The following PPP2R1A variants were observed in gnomAD, a reference collection of about 807,000 sequenced individuals.
PPP2R1A encodes protein phosphatase 2 scaffold subunit Aalpha, also known as serine/threonine-protein phosphatase 2A 65 kDa regulatory subunit A alpha isoform.
In PPP2R1A, 15 loss-of-function variants were observed where a neutral mutation model predicts 67.1. The ratio of observed to expected loss-of-function variants is 0.22; its 90% CI spans 0.15 to 0.34. The LOEUF (loss-of-function observed/expected upper bound fraction) is 0.34, where lower values mean the gene tolerates loss of function less well. Ranked by LOEUF, PPP2R1A falls within the 10% of genes least tolerant of loss-of-function variation. The pLI is 1.00. For missense variants in PPP2R1A, 369 were observed against 775.0 expected, an observed-to-expected ratio of 0.48 and a Z score of 6.22; for synonymous variants, 337 against 325.0, an observed-to-expected ratio of 1.04 and a Z score of -0.40.
At chr19:52,201,087 G>A (rs568768160) in intron 1 of PPP2R1A, 6 of 150,626 alleles carry the variant, frequency 4.0e-5, no homozygotes, top group South Asian at 2.1e-4. Context: ...ACTTAACTAC[G>A]TCTGCAAAGA....
intron 3 of PPP2R1A, among the ~76,000 whole-genome samples, chr19:52,207,076 C>T (rs1318063609): frequency 6.6e-6 from 1 of 152,114 alleles, no homozygotes; most frequent in African/African-American, 2.4e-5. Context: ...TTGATAGTTA[C>T]CATTAAATTC....
At chr19:52,196,332 A>G (rs1285304139) in intron 1 of PPP2R1A, among the ~76,000 whole-genome samples, 1 of 152,206 alleles carries the variant, frequency 6.6e-6, no homozygotes, top group Non-Finnish European at 1.5e-5. Flanking sequence ...TTTCTCATAT[A>G]GCAAGTTCAG....
intron 14 of PPP2R1A, 52 bp downstream of exon 14, chr19:52,225,860 G>A (rs1979225593): frequency 1.2e-6 from 2 of 1,612,096 alleles, no homozygotes; most frequent in Admixed American, 1.7e-5. Flanking sequence ...TTTGAGGACA[G>A]GCACTGGGCC....
chr19:52,205,910 G>T, intron 2 of PPP2R1A, 53 bp from the exon 3 acceptor site: 1 of 1,464,216 alleles, frequency 6.8e-7, no homozygotes, highest in Non-Finnish European at 9.5e-7. Context: ...CTGAGCTTGG[G>T]CTGGGGTCAG....
chr19:52,221,993 C>A, intron 12 of PPP2R1A, 106 bp from the exon 13 acceptor site: 1 of 1,214,972 alleles, frequency 8.2e-7, no homozygotes, highest in South Asian at 1.5e-5. Context: ...ATTGCTCAGC[C>A]TCTGTGGGGC....
chr19:52,224,664 C>A lies in PPP2R1A; in HGVS notation c.1662-1053C>A, dbSNP rs112998055. 6.1e-3 allele frequency among the ~76,000 whole-genome samples: 931 copies of A among 152,212 alleles called. 9 individuals are homozygous for A. The highest frequency in any genetic ancestry group is 0.021 in the African/African-American group (871 of 41,528). Reference sequence around the variant, plus strand: ...AGTCCTTGTTTATCATACTTCTGACCTTTAAGTAATTGGTTGGTTGGTTGG... The same window carrying A: ...AGTCCTTGTTTATCATACTTCTGACATTTAAGTAATTGGTTGGTTGGTTGG... On this transcript the variant is annotated intron_variant, in intron 13 of 14. Coordinates refer to ENST00000322088, the MANE Select transcript of PPP2R1A (RefSeq NM_014225.6).
At chr19:52,205,829 G>A (rs899836102) in intron 2 of PPP2R1A, 134 bp from the exon 3 acceptor site, 24 of 731,180 alleles carry the variant, frequency 3.3e-5, no homozygotes, top group South Asian at 6.4e-5. Context: ...GGTGGAGAGT[G>A]GGGGAGCAAG....
chr19:52,212,997 G>A lies in PPP2R1A; in HGVS notation c.694G>A (p.Ala232Thr), dbSNP rs769334090. ...GGCGGTGGAGGCGTGCGTGAACATC[G>A]CCCAGCTTCTGCCCCAGGAGGATCT... Reference protein sequence around the residue: ...LLAVEACVNIAQLLPQEDLEA... With the variant: ...LLAVEACVNITQLLPQEDLEA... Residue 232 changes from alanine to threonine, a missense_variant, in exon 6 of 15, where the codon GCC (alanine) becomes ACC (threonine). Coordinates refer to ENST00000322088, the MANE Select transcript of PPP2R1A (RefSeq NM_014225.6). This position sits in a 1 kb window ranked among gnomAD's most constrained non-coding sequence, Gnocchi z 4.1. 9.9e-6 allele frequency: 16 copies of A among 1,610,576 alleles called. No homozygotes were observed. Among genetic ancestry groups the A allele is most frequent in the Admixed American group, 1.7e-5 (1 of 59,670 alleles).
At chr19:52,224,350 A>T (rs975961009) in intron 13 of PPP2R1A, among the ~76,000 whole-genome samples, 1 of 152,194 alleles carries the variant, frequency 6.6e-6, no homozygotes, top group Non-Finnish European at 1.5e-5. Flanking sequence ...GGCCCCATAG[A>T]TGAGAGTGGA....
At chr19:52,220,851 T>A in intron 11 of PPP2R1A, 128 bp from the exon 12 acceptor site, 1 of 1,120,530 alleles carries the variant, frequency 8.9e-7, no homozygotes. Context: ...CTTTTTTCTC[T>A]CTTTGGCTCA....
intron 1 of PPP2R1A, 146 bp downstream of exon 1, chr19:52,190,320 C>G (rs1306770328): frequency 2.0e-6 from 2 of 988,784 alleles, no homozygotes; most frequent in African/African-American, 3.3e-5. Flanking sequence ...CCCCGGTTGC[C>G]CGGACTCCTT....
At chr19:52,191,673 C>T (rs940168937) in intron 1 of PPP2R1A, among the ~76,000 whole-genome samples, 1 of 152,162 alleles carries the variant, frequency 6.6e-6, no homozygotes, top group Non-Finnish European at 1.5e-5. Flanking sequence ...GTTTCCTCTT[C>T]TCTTTAATGG....
At chr19:52,199,327 C>T (rs775568192) in intron 1 of PPP2R1A, among the ~76,000 whole-genome samples, 4 of 152,020 alleles carry the variant, frequency 2.6e-5, no homozygotes, top group East Asian at 3.9e-4. Flanking sequence ...CCACCACGCC[C>T]GGCTAATTTC....
chr19:52,190,436 G>A, intron 1 of PPP2R1A: 1 of 560,724 alleles, frequency 1.8e-6, no homozygotes, highest in African/African-American at 1.9e-5. Flanking sequence ...GCGGTCCTGG[G>A]AGGTTGTGGC....
chr19:52,211,907 T>G lies in PPP2R1A; in HGVS notation c.503+415T>G, dbSNP rs1015791170. 2.0e-5 allele frequency among the ~76,000 whole-genome samples: 3 copies of G among 152,228 alleles called. No homozygotes were observed. The highest frequency in any genetic ancestry group is 7.2e-5 in the African/African-American group (3 of 41,458). ...AGTTTTCAGCCTCCTGCTCGTCTAC[T>G]TTGCAAACGATTGACCGTCAAGCCC... On this transcript the variant is annotated intron_variant, in intron 4 of 14. Transcript: ENST00000322088. The surrounding 1 kb of genome is among the most constrained non-coding windows in gnomAD (Gnocchi z 5.3).
At chr19:52,205,280 G>A (rs1215966907) in intron 2 of PPP2R1A, among the ~76,000 whole-genome samples, 1 of 152,162 alleles carries the variant, frequency 6.6e-6, no homozygotes, top group Non-Finnish European at 1.5e-5. Context: ...TTTGGATGTG[G>A]GCATTAGGGA....
At chr19:52,217,677 G>A (rs558247166) in intron 9 of PPP2R1A, among the ~76,000 whole-genome samples, 2 of 152,254 alleles carry the variant, frequency 1.3e-5, no homozygotes, top group East Asian at 3.9e-4. Context: ...AAATTCGGTG[G>A]TGGATTTTTT....
intron 3 of PPP2R1A, among the ~76,000 whole-genome samples, chr19:52,206,759 G>A (rs944522991): frequency 2.6e-5 from 4 of 152,140 alleles, no homozygotes; most frequent in Non-Finnish European, 2.9e-5. Flanking sequence ...AACAAGCAGC[G>A]TTGTTTGAGA....
chr19:52,208,718 T>C (rs532178413), intron 3 of PPP2R1A, among the ~76,000 whole-genome samples: 1 of 151,862 alleles, frequency 6.6e-6, no homozygotes, highest in Non-Finnish European at 1.5e-5. Context: ...CAGGCTGGTC[T>C]AGAACTCCTG....
Sources: allele counts gnomAD v4.1 joint callset (sites outside exome capture counted in the v4.1 genomes callset), GRCh38; gene constraint gnomAD v4.1.1; non-coding constraint Gnocchi (gnomAD v3.1); transcripts MANE v1.5; gene names NCBI Gene and HGNC (gene_info 2026-07-23, HGNC 2026-07-21).